Variants in VXN observed in about 807,000 individuals in gnomAD.
VXN encodes uncharacterized protein C8orf46.
A neutral mutation model predicts 23.1 loss-of-function variants in VXN; 7 were observed. That is an observed-to-expected ratio of 0.30 (90% CI 0.17 to 0.57). The LOEUF is 0.57. VXN is among the 20% of genes least tolerant of loss of function. VXN has a pLI of 0.91. For synonymous variants in VXN, 120 were observed against 105.8 expected (o/e 1.13, Z -0.83); for missense variants, 238 against 272.6 (o/e 0.87, Z 0.89).
chr8:66,500,137 T>C (rs1316315636), intron 2 of VXN, among the ~76,000 whole-genome samples: 2 of 152,216 alleles, frequency 1.3e-5, no homozygotes, highest in African/African-American at 4.8e-5. Flanking sequence ...AACCAAATTA[T>C]CGATAAATAG....
intron 5 of VXN, 42 bp from the exon 6 acceptor site, chr8:66,515,850 GT>G (rs1194877918): frequency 6.7e-7 from 1 of 1,492,386 alleles, no homozygotes; most frequent in Admixed American, 2.3e-5. Flanking sequence ...AGTTTGGCTT[GT>G]GAGCAGACCA....
intron 3 of VXN, among the ~76,000 whole-genome samples, chr8:66,507,301 AC>A (rs1171644935): frequency 6.6e-6 from 1 of 151,998 alleles, no homozygotes; most frequent in Non-Finnish European, 1.5e-5. Context: ...TATTTTAACA[AC>A]CCTCTCCCCA....
At chr8:66,513,436 C>A in intron 4 of VXN, 104 bp from the exon 5 acceptor site, 1 of 918,992 alleles carries the variant, frequency 1.1e-6, no homozygotes, top group Non-Finnish European at 1.8e-6. Context: ...TATGCCCAGG[C>A]GGTGGTGGTT....
chr8:66,498,512 C>A (rs1356989845), intron 2 of VXN, among the ~76,000 whole-genome samples: 3 of 152,198 alleles, frequency 2.0e-5, no homozygotes, highest in African/African-American at 7.2e-5. Flanking sequence ...GTAGTCCCCC[C>A]CTTATCTGCA....
At chr8:66,505,602 G>A (rs1356490974) in intron 3 of VXN, 74 bp downstream of exon 3, 1 of 1,414,788 alleles carries the variant, frequency 7.1e-7, no homozygotes, top group East Asian at 2.6e-5. Context: ...CACAAGCCCA[G>A]GTCAGGGCAG....
At position 66,517,130 on chromosome 8, in the gene VXN, G is replaced by A. The variant is rs1192611765; in HGVS notation, c.*1054G>A. 2 of 152,184 alleles carry A rather than the reference G, an allele frequency of 1.3e-5. No homozygotes were observed. Among genetic ancestry groups the A allele is most frequent in the African/African-American group, 4.8e-5 (2 of 41,450 alleles). 9.4% of individuals were successfully genotyped at this position (152,184 alleles called of 1,614,324 possible). On this transcript the variant is annotated 3_prime_UTR_variant, in exon 6 of 6. Coordinates refer to ENST00000305454, the MANE Select transcript of VXN (RefSeq NM_152765.4). ...ACATTTTTGTAGGTCAAAAACAATT[G>A]AGCATCAATTTCATATGGTTCAACC...
chr8:66,502,323 T>C (rs1231690705), intron 2 of VXN, among the ~76,000 whole-genome samples: 1 of 152,308 alleles, frequency 6.6e-6, no homozygotes, highest in East Asian at 1.9e-4. Context: ...CAATGAAGAT[T>C]CGTGGCCCCT....
intron 3 of VXN, among the ~76,000 whole-genome samples, chr8:66,507,864 A>T (rs946567749): frequency 6.6e-6 from 1 of 152,096 alleles, no homozygotes; most frequent in African/African-American, 2.4e-5. Flanking sequence ...GTTTCCAGGG[A>T]GCTCAGATTT....
chr8:66,504,343 C>T (rs926876575), intron 2 of VXN, among the ~76,000 whole-genome samples: 2 of 152,030 alleles, frequency 1.3e-5, no homozygotes, highest in African/African-American at 4.8e-5. Context: ...TTTCCGAGAG[C>T]GATGCTGAGA....
At position 66,517,067 on chromosome 8, in the gene VXN, A is replaced by G. The variant is rs1264273869; in HGVS notation, c.*991A>G. The G allele has an allele frequency of 6.6e-6, 1 of 152,252 alleles. No homozygotes were observed. Among genetic ancestry groups the G allele is most frequent in the Non-Finnish European group, 1.5e-5 (1 of 68,046 alleles). 9.4% of individuals were successfully genotyped at this position (152,252 alleles called of 1,614,324 possible). A position where few individuals can be genotyped will look rare whatever the true frequency, so the allele number is the denominator to read the frequency against. On this transcript the variant is annotated 3_prime_UTR_variant, in exon 6 of 6. Coordinates refer to ENST00000305454, the MANE Select transcript of VXN (RefSeq NM_152765.4). Reference sequence around the variant, plus strand: ...GTAAGGGATTTGAATGAAATACACTATTATATCTTATATGTTAGCTTGAAC... The same window carrying G: ...GTAAGGGATTTGAATGAAATACACTGTTATATCTTATATGTTAGCTTGAAC...
chr8:66,498,914 G>T, intron 2 of VXN: 1 of 438,880 alleles, frequency 2.3e-6, no homozygotes, highest in Non-Finnish European at 4.6e-6. Context: ...GAAGAGAGGG[G>T]TTAGGTATGT....
chr8:66,510,169 A>T lies in VXN; in HGVS notation c.342+12A>T. 6.2e-7 allele frequency: 1 copy of T among 1,604,960 alleles called. No homozygotes were observed. The highest frequency in any genetic ancestry group is 8.5e-7 in the Non-Finnish European group (1 of 1,174,110). ...ATGGAAAATCTCTGGTAAGTAAAAT[A>T]AGCCTGCTTAGTTGTATCTGTTGTG... is the stretch of plus-strand genomic sequence containing the variant. On this transcript the variant is annotated intron_variant, in intron 4 of 5. Coordinates refer to ENST00000305454, the MANE Select transcript of VXN (RefSeq NM_152765.4).
intron 4 of VXN, among the ~76,000 whole-genome samples, chr8:66,511,707 T>C (rs966755874): frequency 2.6e-5 from 4 of 151,604 alleles, no homozygotes; most frequent in African/African-American, 9.7e-5. Flanking sequence ...ACAGCAGGAG[T>C]CCAGAGGAAG....
chr8:66,495,578 A>T (rs1181027710), intron 1 of VXN, among the ~76,000 whole-genome samples: 1 of 152,248 alleles, frequency 6.6e-6, no homozygotes, highest in Non-Finnish European at 1.5e-5. Context: ...AATAATCAAC[A>T]TGATCAGTCA....
chr8:66,501,511 G>A (rs1328727178), intron 2 of VXN, among the ~76,000 whole-genome samples: 1 of 152,186 alleles, frequency 6.6e-6, no homozygotes, highest in Non-Finnish European at 1.5e-5. Context: ...AGAAGGGGTT[G>A]TCTGTGGGTA....
intron 5 of VXN, among the ~76,000 whole-genome samples, chr8:66,514,467 C>T (rs1256373804): frequency 6.6e-6 from 1 of 152,168 alleles, no homozygotes; most frequent in East Asian, 1.9e-4. Context: ...GAGGGGGTCT[C>T]ACTCTGTCGC....
At chr8:66,509,999 G>A in intron 3 of VXN, 97 bp from the exon 4 acceptor site, 1 of 1,166,892 alleles carries the variant, frequency 8.6e-7, no homozygotes, top group East Asian at 2.4e-5. Flanking sequence ...AAATTCCCTG[G>A]CGTGGTTGAT....
intron 2 of VXN, among the ~76,000 whole-genome samples, chr8:66,503,704 T>A (rs374464353): frequency 1.3e-5 from 2 of 152,334 alleles, no homozygotes; most frequent in African/African-American, 4.8e-5. Flanking sequence ...ATACTCAGGA[T>A]GCTAAAGAGC....
At chr8:66,495,158 G>T (rs1807612011) in intron 1 of VXN, 1 of 152,124 alleles carries the variant, frequency 6.6e-6, no homozygotes, top group African/African-American at 2.4e-5. Flanking sequence ...GTCTTGGGAA[G>T]GTAGGGAAGG....
Sources: allele counts gnomAD v4.1 joint callset (sites outside exome capture counted in the v4.1 genomes callset), GRCh38; gene constraint gnomAD v4.1.1; transcripts MANE v1.5; gene names NCBI Gene and HGNC (gene_info 2026-07-23, HGNC 2026-07-21).